CLYBL: variants seen among roughly 807,000 people sequenced by gnomAD.
CLYBL encodes the protein citramalyl-CoA lyase.
Under a neutral mutation model 38.9 loss-of-function variants are expected in CLYBL, and 31 were observed. That is an observed-to-expected ratio of 0.80 (90% CI 0.60 to 1.08). The LOEUF is 1.08. Ranked by LOEUF, CLYBL falls within the 50% of genes least tolerant of loss-of-function variation. CLYBL has a pLI of 0.00. For synonymous variants in CLYBL, 171 were observed against 158.6 expected (o/e 1.08, Z -0.59); for missense variants, 434 against 411.6 (o/e 1.05, Z -0.47).
In CLYBL at chr13:99,849,160, A is replaced by AC. The variant is rs1026998136; in HGVS notation, c.250-9701_250-9700insC. Reference sequence around the variant, plus strand: ...CTCAAAAAAAGAAAAAAGAAAAAAAAAACACTATTGAGAAAGACAGTGTAA... The same window carrying AC: ...CTCAAAAAAAGAAAAAAGAAAAAAAACAACACTATTGAGAAAGACAGTGTAA... On this transcript the variant is annotated intron_variant, in intron 2 of 8. Transcript: ENST00000339105. This position sits in a 1 kb window ranked among gnomAD's most constrained non-coding sequence, Gnocchi z 4.9. 6.6e-6 allele frequency among the ~76,000 whole-genome samples: 1 copy of AC among 151,396 alleles called. No homozygotes were observed. Among genetic ancestry groups the AC allele is most frequent in the African/African-American group, 2.4e-5 (1 of 41,076 alleles).
intron 1 of CLYBL, among the ~76,000 whole-genome samples, chr13:99,623,227 A>G (rs1412392435): frequency 6.6e-6 from 1 of 152,258 alleles, no homozygotes; most frequent in Non-Finnish European, 1.5e-5. Flanking sequence ...CCAGCAATGT[A>G]CAAGCGTTCT....
At chr13:99,761,542 A>G (rs2049165561) in intron 1 of CLYBL, among the ~76,000 whole-genome samples, 1 of 152,168 alleles carries the variant, frequency 6.6e-6, no homozygotes, top group Non-Finnish European at 1.5e-5. Flanking sequence ...ACACACACAC[A>G]TTCACGTAAC....
At chr13:99,829,761 T>G (rs1310815979) in intron 2 of CLYBL, among the ~76,000 whole-genome samples, 1 of 152,152 alleles carries the variant, frequency 6.6e-6, no homozygotes, top group Non-Finnish European at 1.5e-5. Flanking sequence ...CTGACCTCAG[T>G]CCCAATCAAC....
intron 1 of CLYBL, among the ~76,000 whole-genome samples, chr13:99,696,573 A>T (rs187633673): frequency 6.6e-6 from 1 of 152,246 alleles, no homozygotes; most frequent in East Asian, 1.9e-4. Flanking sequence ...TCAAGTCCTG[A>T]TACATAAGAC....
At chr13:99,634,099 A>T (rs1478053759) in intron 1 of CLYBL, among the ~76,000 whole-genome samples, 1 of 152,220 alleles carries the variant, frequency 6.6e-6, no homozygotes, top group African/African-American at 2.4e-5. Context: ...AAATCCAAAA[A>T]TAAGAAAGTC....
intron 1 of CLYBL, among the ~76,000 whole-genome samples, chr13:99,621,485 G>A (rs1489084725): frequency 6.6e-6 from 1 of 152,084 alleles, no homozygotes; most frequent in Non-Finnish European, 1.5e-5. Flanking sequence ...TAAGGTGATC[G>A]AGATGCAGAA....
intron 1 of CLYBL, among the ~76,000 whole-genome samples, chr13:99,685,677 A>G (rs1319283513): frequency 1.3e-5 from 2 of 152,172 alleles, no homozygotes; most frequent in African/African-American, 4.8e-5. Context: ...AGAACCTCTT[A>G]GAGGCCGGGC....
chr13:99,695,084 G>T (rs2047959540), intron 1 of CLYBL, among the ~76,000 whole-genome samples: 1 of 151,856 alleles, frequency 6.6e-6, no homozygotes, highest in Admixed American at 6.6e-5. Flanking sequence ...CCCCTCACTG[G>T]GCTCCAATTA....
chr13:99,740,593 C>T lies in CLYBL; in HGVS notation c.63-32231C>T, dbSNP rs1279883740. 2.0e-5 allele frequency among the ~76,000 whole-genome samples: 3 copies of T among 152,200 alleles called. 1 individual carries two copies. Among genetic ancestry groups the T allele is most frequent in the Non-Finnish European group, 4.4e-5 (3 of 68,024 alleles). ...TTCATATGCATTCAGGAGAAGGTAT[C>T]ATTAGCGACTTGACGCCCATATTAT... On this transcript the variant is annotated intron_variant, in intron 1 of 8. Coordinates refer to ENST00000339105, the MANE Select transcript of CLYBL (RefSeq NM_206808.5).
In CLYBL at chr13:99,705,929, T is replaced by G. The variant is rs948509004; in HGVS notation, c.63-66895T>G. On this transcript the variant is annotated intron_variant, in intron 1 of 8. Transcript: ENST00000339105. ...ATGTATATTTTGCCCCAATTTTTTT[T>G]TTTGTTTTTTTTTGTTTTAAAGACA... Among the ~76,000 whole-genome samples the G allele has an allele frequency of 5.3e-5, 8 of 151,836 alleles. No homozygotes were observed. The South Asian group carries it at 1.2e-3, about 24-fold the overall frequency.
intron 2 of CLYBL, among the ~76,000 whole-genome samples, chr13:99,806,211 T>A (rs1000240417): frequency 6.6e-6 from 1 of 152,320 alleles, no homozygotes. Flanking sequence ...AAGTGTTTTA[T>A]AAAAGGGATG....
chr13:99,804,780 T>G (rs1225288331), intron 2 of CLYBL, among the ~76,000 whole-genome samples: 1 of 152,178 alleles, frequency 6.6e-6, no homozygotes, highest in Non-Finnish European at 1.5e-5. Context: ...AGAACATACA[T>G]TTTACCATTT....
intron 2 of CLYBL, among the ~76,000 whole-genome samples, chr13:99,816,496 A>G (rs747857457): frequency 6.6e-6 from 1 of 152,222 alleles, no homozygotes; most frequent in African/African-American, 2.4e-5. Context: ...GGGCCCTGCT[A>G]TGACCTGAAT....
chr13:99,759,076 G>C (rs2049118073), intron 1 of CLYBL, among the ~76,000 whole-genome samples: 1 of 152,210 alleles, frequency 6.6e-6, no homozygotes, highest in Non-Finnish European at 1.5e-5. Context: ...CCATTTGCTG[G>C]AAAGCACTAA....
intron 1 of CLYBL, among the ~76,000 whole-genome samples, chr13:99,665,462 A>G (rs1221192140): frequency 1.3e-5 from 2 of 152,144 alleles, no homozygotes; most frequent in African/African-American, 4.8e-5. Context: ...AAGAATTAAT[A>G]TAAAGAAAAC....
At position 99,865,219 on chromosome 13, in the gene CLYBL, A is replaced by G. The variant is rs923211956; in HGVS notation, c.634+308A>G. The G allele has an allele frequency of 5.3e-6, 2 of 374,948 alleles. No individual in the cohort carries two copies. The highest frequency in any genetic ancestry group is 2.1e-5 in the African/African-American group (1 of 47,566). The allele number at this position is 374,948 out of a possible 1,614,324, so 23.2% of individuals were successfully genotyped here. A position where few individuals can be genotyped will look rare whatever the true frequency, so the allele number is the denominator to read the frequency against. On this transcript the variant is annotated intron_variant, in intron 5 of 8. Coordinates refer to ENST00000339105, the MANE Select transcript of CLYBL (RefSeq NM_206808.5). The surrounding 1 kb of genome is among the most constrained non-coding windows in gnomAD (Gnocchi z 4.7). Reference sequence around the variant, plus strand: ...GGCATCTCCTTTGCTCCTAATAAATATATTATGTGAACAGCCTCACCGTTG... The same window carrying G: ...GGCATCTCCTTTGCTCCTAATAAATGTATTATGTGAACAGCCTCACCGTTG...
intron 2 of CLYBL, among the ~76,000 whole-genome samples, chr13:99,811,591 A>G (rs890471327): frequency 1.3e-5 from 2 of 152,216 alleles, no homozygotes; most frequent in Non-Finnish European, 2.9e-5. Flanking sequence ...AGGCGGGATC[A>G]GTTGCCCATT....
At chr13:99,651,893 T>C (rs1207376408) in intron 1 of CLYBL, among the ~76,000 whole-genome samples, 1 of 150,480 alleles carries the variant, frequency 6.6e-6, no homozygotes, top group Non-Finnish European at 1.5e-5. Context: ...GATCATGCCA[T>C]TGCACTCCAG....
At chr13:99,670,209 G>C (rs72653907) in intron 1 of CLYBL, among the ~76,000 whole-genome samples, 3,133 of 151,724 alleles carry the variant, frequency 0.021, 82 homozygotes, top group Admixed American at 0.082. Context: ...AAAAAAAAAA[G>C]AGCTAGGTGC....
Sources: allele counts gnomAD v4.1 joint callset (sites outside exome capture counted in the v4.1 genomes callset), GRCh38; gene constraint gnomAD v4.1.1; non-coding constraint Gnocchi (gnomAD v3.1); transcripts MANE v1.5; gene names NCBI Gene and HGNC (gene_info 2026-07-23, HGNC 2026-07-21).